The following CFAP47 variants were observed in gnomAD, a reference collection of about 807,000 sequenced individuals.
CFAP47 encodes the protein cilia and flagella associated protein 47.
Under a neutral mutation model 148.1 loss-of-function variants are expected in CFAP47, and 29 were observed. That is an observed-to-expected ratio of 0.20 (90% CI 0.15 to 0.27). CFAP47 has a LOEUF of 0.27. Ranked by LOEUF, CFAP47 falls within the 10% of genes least tolerant of loss-of-function variation. CFAP47 has a pLI of 1.00. For synonymous variants in CFAP47, 664 were observed against 577.3 expected, an observed-to-expected ratio of 1.15 and a Z score of -2.15; for missense variants, 1,872 against 1,697.5, an observed-to-expected ratio of 1.10 and a Z score of -1.81.
At chrX:35,954,554 CAAAG>C (rs1936216819) in intron 7 of CFAP47, among the ~76,000 whole-genome samples, 1 of 111,721 alleles carries the variant, frequency 9.0e-6, no homozygotes, top group African/African-American at 3.3e-5. Flanking sequence ...CACATTTGTA[CAAAG>C]TTTACAGGTT....
intron 10 of CFAP47, among the ~76,000 whole-genome samples, chrX:35,969,123 G>T (rs1470034235): frequency 9.0e-6 from 1 of 110,714 alleles, no homozygotes; most frequent in Non-Finnish European, 1.9e-5. Context: ...ATAAGGCCAA[G>T]TATTTACTAT....
At chrX:36,343,476 C>A (rs951392908) in intron 57 of CFAP47, among the ~76,000 whole-genome samples, 3 of 112,135 alleles carry the variant, frequency 2.7e-5, no homozygotes, top group Middle Eastern at 4.6e-3. Context: ...CACTTTTACA[C>A]TGTTGGTGGG....
chrX:36,352,535 C>G (rs1186337580), intron 59 of CFAP47, among the ~76,000 whole-genome samples: 1 of 110,863 alleles, frequency 9.0e-6, no homozygotes, highest in Non-Finnish European at 1.9e-5. Context: ...GCCACAGAAT[C>G]ATAGCATAAT....
intron 29 of CFAP47, among the ~76,000 whole-genome samples, chrX:36,074,292 G>T (rs955869653): frequency 1.3e-4 from 15 of 111,603 alleles, no homozygotes; most frequent in African/African-American, 4.2e-4. Flanking sequence ...TGAACCTGAA[G>T]ATAGAGATTG....
At chrX:36,279,854 G>A (rs1941059138) in intron 49 of CFAP47, among the ~76,000 whole-genome samples, 1 of 109,842 alleles carries the variant, frequency 9.1e-6, no homozygotes, top group Non-Finnish European at 1.9e-5. Flanking sequence ...ACAGATGTGT[G>A]CCACCACGCC....
chrX:35,924,386 T>C (rs754500423), intron 1 of CFAP47, among the ~76,000 whole-genome samples: 7 of 105,902 alleles, frequency 6.6e-5, no homozygotes, highest in East Asian at 3.0e-4. Context: ...TATGCACACA[T>C]ATGTGTATAT....
chrX:36,379,051 A>G (rs1009042662), intron 62 of CFAP47, among the ~76,000 whole-genome samples: 4 of 112,112 alleles, frequency 3.6e-5, no homozygotes, highest in Non-Finnish European at 7.5e-5. Context: ...ACCTCAGGTG[A>G]TCCACCTGCC....
chrX:36,331,739 ACTT>A (rs1941566984), intron 57 of CFAP47, among the ~76,000 whole-genome samples: 1 of 111,487 alleles, frequency 9.0e-6, no homozygotes, highest in East Asian at 2.8e-4. Context: ...ATTTCTGACC[ACTT>A]CTTACTACCT....
At position 36,235,500 on chromosome X, in the gene CFAP47, G is replaced by A. The variant is rs190207284; in HGVS notation, c.7015-434G>A. Among the ~76,000 whole-genome samples the A allele has an allele frequency of 5.5e-3, 615 of 112,141 alleles. 1 individual carries two copies. Among genetic ancestry groups the A allele is most frequent in the African/African-American group, 0.019 (585 of 30,858 alleles). On this transcript the variant is annotated intron_variant, in intron 46 of 63. Coordinates refer to ENST00000378653, the MANE Select transcript of CFAP47 (RefSeq NM_001304548.2). ...CGCAGTATTGAGGTGGGAGTGACCC[G>A]ATTTTCCAGGTGCCGTCTGTCATCC...
intron 49 of CFAP47, among the ~76,000 whole-genome samples, chrX:36,268,487 G>A (rs1940921472): frequency 8.9e-6 from 1 of 112,742 alleles, no homozygotes; most frequent in South Asian, 3.6e-4. Flanking sequence ...GGCTATAGAT[G>A]CTCTATTGAA....
chrX:36,281,955 G>T (rs1355301776), intron 50 of CFAP47, among the ~76,000 whole-genome samples: 2 of 110,877 alleles, frequency 1.8e-5, no homozygotes, highest in African/African-American at 6.6e-5. Flanking sequence ...AGCATTGGAT[G>T]ACTGTCCTTA....
intron 62 of CFAP47, among the ~76,000 whole-genome samples, chrX:36,370,986 A>G (rs1421512330): frequency 9.0e-6 from 1 of 111,270 alleles, no homozygotes; most frequent in East Asian, 2.8e-4. Flanking sequence ...AAATATGTAA[A>G]GCGTTAGTGT....
chrX:36,008,597 C>T (rs998211427), intron 21 of CFAP47, among the ~76,000 whole-genome samples: 14 of 108,776 alleles, frequency 1.3e-4, no homozygotes, highest in African/African-American at 4.7e-4. Flanking sequence ...TGGTGAAACC[C>T]TGTCTCTACT....
intron 33 of CFAP47, among the ~76,000 whole-genome samples, chrX:36,132,634 T>C (rs753374704): frequency 3.7e-4 from 41 of 111,806 alleles, no homozygotes; most frequent in African/African-American, 1.3e-3. Context: ...GATGAGGGCT[T>C]GGCAGCAGCC....
chrX:36,144,678 A>G, intron 35 of CFAP47: 1 of 1,027,549 alleles, frequency 9.7e-7, no homozygotes, highest in Non-Finnish European at 1.3e-6. Context: ...GGCCAGAACA[A>G]AGAGACAGAA....
At position 36,245,958 on chromosome X, in the gene CFAP47, T is replaced by C. The variant is rs920661686; in HGVS notation, c.7333-5375T>C. 8.9e-5 allele frequency among the ~76,000 whole-genome samples: 10 copies of C among 111,732 alleles called. No homozygotes were observed. In the Admixed American group the frequency reaches 9.6e-4, roughly 11 times the overall value. On this transcript the variant is annotated intron_variant, in intron 48 of 63. Transcript: ENST00000378653. ...ATTTAAAGGTAGGACCTCAAACTAT[T>C]AAAATCCTGGATTTTATTAGCTTGA...
At chrX:36,074,505 A>T (rs1281362306) in intron 29 of CFAP47, among the ~76,000 whole-genome samples, 1 of 111,965 alleles carries the variant, frequency 8.9e-6, no homozygotes, top group Non-Finnish European at 1.9e-5. Flanking sequence ...TCATAAGGCT[A>T]TGAAAATTTT....
intron 46 of CFAP47, 70 bp downstream of exon 46, chrX:36,228,894 C>A: frequency 2.1e-6 from 1 of 466,942 alleles, no homozygotes; most frequent in Non-Finnish European, 3.8e-6. Context: ...TCCTCCAGAC[C>A]TCTCATCTTG....
intron 57 of CFAP47, among the ~76,000 whole-genome samples, chrX:36,337,888 A>G (rs112229215): frequency 0.029 from 2,096 of 71,802 alleles, 43 homozygotes; most frequent in Middle Eastern, 0.088. Context: ...TTTTCCTGAG[A>G]TGGAGTCTCG....
Sources: allele counts gnomAD v4.1 joint callset (sites outside exome capture counted in the v4.1 genomes callset), GRCh38; gene constraint gnomAD v4.1.1; transcripts MANE v1.5; gene names NCBI Gene and HGNC (gene_info 2026-07-23, HGNC 2026-07-21).